The following GARIN1B variants were observed in gnomAD, a reference collection of about 807,000 sequenced individuals.
GARIN1B encodes Golgi-associated RAB2 interactor protein 1B.
At chr7:128,713,395 T>C in the GARIN1B span, among the ~76,000 whole-genome samples, 1 of 152,186 alleles carries the variant, frequency 6.6e-6, no homozygotes, top group Non-Finnish European at 1.5e-5. Context: ...TCTAAAAAGA[T>C]TCAATATGCT....
the GARIN1B span, chr7:128,731,510 T>C: frequency 3.5e-6 from 1 of 283,400 alleles, no homozygotes; most frequent in African/African-American, 2.1e-5. Context: ...GGAAGAGACT[T>C]GGTAGACGAG....
chr7:128,731,340 C>T, the GARIN1B span: 1 of 595,666 alleles, frequency 1.7e-6, no homozygotes, highest in Non-Finnish European at 3.0e-6. Flanking sequence ...GCTGGCCTAG[C>T]AAGATGTGCT....
the GARIN1B span, among the ~76,000 whole-genome samples, chr7:128,721,534 A>G: frequency 6.6e-6 from 1 of 151,872 alleles, no homozygotes. Context: ...ACACACACTC[A>G]TGCCATCTGC....
At chr7:128,712,976 C>T in the GARIN1B span, among the ~76,000 whole-genome samples, 81 of 152,054 alleles carry the variant, frequency 5.3e-4, 1 homozygote, top group South Asian at 3.5e-3. Context: ...TACAGGAGAC[C>T]TGTGCCCAAC....
the GARIN1B span, among the ~76,000 whole-genome samples, chr7:128,723,743 C>T: frequency 6.6e-6 from 1 of 151,702 alleles, no homozygotes; most frequent in Admixed American, 6.6e-5. Context: ...AACTCCTGAC[C>T]TCAGGTGAGC....
the GARIN1B span, among the ~76,000 whole-genome samples, chr7:128,729,369 A>T: frequency 6.6e-6 from 1 of 152,188 alleles, no homozygotes; most frequent in Non-Finnish European, 1.5e-5. Flanking sequence ...ACAGTCCCCC[A>T]TAGATCTTGT....
At chr7:128,714,056 G>A in the GARIN1B span, 1 of 1,535,620 alleles carries the variant, frequency 6.5e-7, no homozygotes, top group Non-Finnish European at 8.7e-7. Context: ...TTGGTTTACT[G>A]AGCCAGGAGC....
the GARIN1B span, chr7:128,723,302 C>A: frequency 6.2e-7 from 1 of 1,612,524 alleles, no homozygotes; most frequent in Non-Finnish European, 8.5e-7. Context: ...CGACTTACAC[C>A]AGCAGAACCA....
chr7:128,729,262 A>G, the GARIN1B span, among the ~76,000 whole-genome samples: 7 of 152,222 alleles, frequency 4.6e-5, no homozygotes, highest in Non-Finnish European at 8.8e-5. Flanking sequence ...TGGAAAAACC[A>G]GAGGCCCAAC....
the GARIN1B span, among the ~76,000 whole-genome samples, chr7:128,727,260 C>T: frequency 2.6e-5 from 4 of 152,152 alleles, no homozygotes; most frequent in Non-Finnish European, 4.4e-5. Flanking sequence ...ACCATGTTCC[C>T]GCAAGAAGTT....
At chr7:128,716,942 G>A in the GARIN1B span, 3 of 1,613,938 alleles carry the variant, frequency 1.9e-6, no homozygotes, top group African/African-American at 1.3e-5. Flanking sequence ...ATGGCACCAG[G>A]GGCAGAACCA....
the GARIN1B span, among the ~76,000 whole-genome samples, chr7:128,712,860 C>A: frequency 6.6e-6 from 1 of 152,196 alleles, no homozygotes; most frequent in Non-Finnish European, 1.5e-5. Context: ...ACCCTATTTT[C>A]TTCACTGCTT....
chr7:128,713,103 G>A, the GARIN1B span, among the ~76,000 whole-genome samples: 26 of 152,184 alleles, frequency 1.7e-4, no homozygotes, highest in East Asian at 7.7e-4. Context: ...CCAGGAGTTC[G>A]AGACCAGCCT....
At chr7:128,718,434 G>GAAAAAA in the GARIN1B span, among the ~76,000 whole-genome samples, 1 of 117,956 alleles carries the variant, frequency 8.5e-6, no homozygotes. Context: ...CTTTGCCTCA[G>GAAAAAA]AAAAAAAAAA....
the GARIN1B span, chr7:128,726,732 T>C: frequency 7.3e-7 from 1 of 1,366,838 alleles, no homozygotes; most frequent in Admixed American, 1.7e-5. Flanking sequence ...TCTAAAGCTT[T>C]GCATCAGGAA....
At chr7:128,730,121 G>C in the GARIN1B span, 1 of 1,578,274 alleles carries the variant, frequency 6.3e-7, no homozygotes, top group Non-Finnish European at 8.6e-7. Flanking sequence ...CTGGCATTCA[G>C]CCTCAGGGCT....
chr7:128,725,213 T>C, the GARIN1B span: 2 of 155,348 alleles, frequency 1.3e-5, no homozygotes, highest in Non-Finnish European at 2.9e-5. Context: ...CCATATATCA[T>C]ACAGAGCTCT....
At chr7:128,723,458 T>G in the GARIN1B span, 9 of 1,026,360 alleles carry the variant, frequency 8.8e-6, no homozygotes, top group South Asian at 1.7e-5. Flanking sequence ...CACGCCTGTA[T>G]TCCCGGCACT....
chr7:128,731,125 G>T, the GARIN1B span: 7 of 1,608,316 alleles, frequency 4.4e-6, no homozygotes, highest in Non-Finnish European at 6.0e-6. Flanking sequence ...CCACCCTTCC[G>T]CACTGGGGAG....
Sources: allele counts gnomAD v4.1 joint callset (sites outside exome capture counted in the v4.1 genomes callset), GRCh38; gene constraint gnomAD v4.1.1; transcripts MANE v1.5; gene names NCBI Gene and HGNC (gene_info 2026-07-23, HGNC 2026-07-21).